The following MAGI1 variants were observed in gnomAD, a reference collection of about 807,000 sequenced individuals.
MAGI1 encodes the protein membrane associated guanylate kinase, WW and PDZ domain containing 1.
A neutral mutation model predicts 139.9 loss-of-function variants in MAGI1; 58 were observed. The ratio of observed to expected loss-of-function variants is 0.41; its 90% CI spans 0.34 to 0.52. The LOEUF is 0.52. Among genes scored for constraint, MAGI1 ranks in the 20% least tolerant of loss-of-function variants. MAGI1 has a pLI of 0.12. For missense variants in MAGI1, 1,874 were observed against 1,901.6 expected, an observed-to-expected ratio of 0.99 and a Z score of 0.27; for synonymous variants, 812 against 737.9, an observed-to-expected ratio of 1.10 and a Z score of -1.63.
chr3:65,801,125 C>G (rs2040485221), intron 1 of MAGI1, among the ~76,000 whole-genome samples: 1 of 152,162 alleles, frequency 6.6e-6, no homozygotes, highest in South Asian at 2.1e-4. Context: ...TCAGGTAAAA[C>G]TCTTCTTGGG....
At chr3:65,359,745 T>A in intron 22 of MAGI1, 1 of 985,750 alleles carries the variant, frequency 1.0e-6, no homozygotes, top group Non-Finnish European at 1.2e-6. Context: ...TGGAAAACCA[T>A]GTATTTAAAT....
intron 1 of MAGI1, among the ~76,000 whole-genome samples, chr3:65,632,882 T>C (rs769963316): frequency 9.2e-5 from 14 of 152,182 alleles, no homozygotes; most frequent in Non-Finnish European, 1.9e-4. Context: ...TAATACTTGG[T>C]GTGGAGGTGG....
intron 18 of MAGI1, among the ~76,000 whole-genome samples, chr3:65,365,788 A>G (rs1447866937): frequency 6.6e-6 from 1 of 152,228 alleles, no homozygotes; most frequent in Non-Finnish European, 1.5e-5. Context: ...GGCTTATAGT[A>G]GGCACTTTCG....
chr3:65,894,473 T>C (rs912850333), intron 1 of MAGI1, among the ~76,000 whole-genome samples: 4 of 152,194 alleles, frequency 2.6e-5, no homozygotes, highest in African/African-American at 9.7e-5. Flanking sequence ...TAAAAGGATA[T>C]CCAAATATAA....
rs540790334 is a variant in MAGI1 at position 65,410,187 on chromosome 3, A to T, written c.2168-8717T>A. ...TCACTCCAGAGAAGGTGTCATTGAA[A>T]TGATATGGATGATCCTATTGTTGCT... On this transcript the variant is annotated intron_variant, in intron 12 of 22. Transcript: ENST00000402939. 1.1e-4 allele frequency among the ~76,000 whole-genome samples: 17 copies of T among 152,346 alleles called. No homozygotes were observed. The South Asian group carries it at 3.3e-3, about 30-fold the overall frequency.
intron 4 of MAGI1, among the ~76,000 whole-genome samples, chr3:65,474,246 C>T (rs1236826102): frequency 6.6e-6 from 1 of 151,612 alleles, no homozygotes; most frequent in Non-Finnish European, 1.5e-5. Flanking sequence ...GCCTGGGTCA[C>T]AGAACGAGAC....
intron 2 of MAGI1, among the ~76,000 whole-genome samples, chr3:65,518,977 A>G (rs879944435): frequency 6.6e-6 from 1 of 152,110 alleles, no homozygotes; most frequent in Non-Finnish European, 1.5e-5. Flanking sequence ...CCTCACTGAG[A>G]AGGTAAAATA....
At chr3:65,357,397 A>C (rs558425303) in intron 22 of MAGI1, among the ~76,000 whole-genome samples, 1 of 152,120 alleles carries the variant, frequency 6.6e-6, no homozygotes, top group Non-Finnish European at 1.5e-5. Flanking sequence ...GACAAAAATC[A>C]GTCATGATTT....
At chr3:65,871,231 C>T (rs2059928892) in intron 1 of MAGI1, among the ~76,000 whole-genome samples, 1 of 152,166 alleles carries the variant, frequency 6.6e-6, no homozygotes, top group South Asian at 2.1e-4. Context: ...GCCCCCATGC[C>T]CAGCCTAATA....
At chr3:65,486,023 G>A (rs1951607496) in intron 3 of MAGI1, among the ~76,000 whole-genome samples, 1 of 152,082 alleles carries the variant, frequency 6.6e-6, no homozygotes, top group Non-Finnish European at 1.5e-5. Context: ...TGCCAACAGA[G>A]CTCATCACAA....
intron 1 of MAGI1, among the ~76,000 whole-genome samples, chr3:65,793,949 A>G (rs1042480441): frequency 4.6e-5 from 7 of 152,208 alleles, no homozygotes; most frequent in African/African-American, 9.6e-5. Flanking sequence ...AACATTCTCA[A>G]TTGATGACTA....
intron 1 of MAGI1, among the ~76,000 whole-genome samples, chr3:65,994,351 A>G (rs1357635588): frequency 6.6e-6 from 1 of 151,856 alleles, no homozygotes; most frequent in Non-Finnish European, 1.5e-5. Context: ...TCTAGAACAC[A>G]GCAAAGAGTG....
intron 2 of MAGI1, among the ~76,000 whole-genome samples, chr3:65,545,655 G>C (rs569200389): frequency 6.6e-6 from 1 of 152,182 alleles, no homozygotes; most frequent in South Asian, 2.1e-4. Context: ...GAAGGACCAA[G>C]CTTGATCTAA....
chr3:66,011,945 C>T (rs576670895), intron 1 of MAGI1, among the ~76,000 whole-genome samples: 2 of 151,494 alleles, frequency 1.3e-5, no homozygotes, highest in Admixed American at 6.6e-5. Context: ...GCAATTCTAG[C>T]GAAAAAAATG....
chr3:65,781,023 C>G (rs1166198514), intron 1 of MAGI1, among the ~76,000 whole-genome samples: 1 of 152,036 alleles, frequency 6.6e-6, no homozygotes, highest in African/African-American at 2.4e-5. Context: ...TAGTGAAACC[C>G]CATCTCTACT....
chr3:65,823,256 A>G (rs906361757), intron 1 of MAGI1, among the ~76,000 whole-genome samples: 1 of 152,230 alleles, frequency 6.6e-6, no homozygotes, highest in Non-Finnish European at 1.5e-5. Flanking sequence ...CAGAGTTTGC[A>G]AAAGTGGATG....
At chr3:65,693,112 T>A (rs1034700091) in intron 1 of MAGI1, among the ~76,000 whole-genome samples, 1 of 152,132 alleles carries the variant, frequency 6.6e-6, no homozygotes, top group African/African-American at 2.4e-5. Context: ...TTTTTATTTT[T>A]TAAAAAAATT....
intron 2 of MAGI1, among the ~76,000 whole-genome samples, chr3:65,570,064 CTTTA>C (rs1195738574): frequency 4.4e-4 from 59 of 133,404 alleles, no homozygotes; most frequent in African/African-American, 1.6e-3. Context: ...TTCTTTCTTT[CTTTA>C]TTATCATTAT....
At chr3:65,443,904 C>T (rs543783002) in intron 7 of MAGI1, among the ~76,000 whole-genome samples, 1 of 152,246 alleles carries the variant, frequency 6.6e-6, no homozygotes, top group African/African-American at 2.4e-5. Flanking sequence ...CATGTGGTCA[C>T]TAATTTAAAT....
Sources: allele counts gnomAD v4.1 joint callset (sites outside exome capture counted in the v4.1 genomes callset), GRCh38; gene constraint gnomAD v4.1.1; transcripts MANE v1.5; gene names NCBI Gene and HGNC (gene_info 2026-07-23, HGNC 2026-07-21).